NUP153: variants seen among roughly 807,000 people sequenced by gnomAD.
NUP153 encodes the protein nuclear pore complex protein Nup153.
Under a neutral mutation model 134.6 loss-of-function variants are expected in NUP153, and 27 were observed. The observed-to-expected ratio is 0.20, with a 90% CI of 0.15 to 0.28. The LOEUF (loss-of-function observed/expected upper bound fraction) is 0.28. NUP153 is among the 10% of genes least tolerant of loss of function. The pLI, the probability that NUP153 is intolerant of heterozygous loss-of-function variation, is 1.00. For missense variants in NUP153, 1,821 were observed against 1,731.3 expected, an observed-to-expected ratio of 1.05 and a Z score of -0.92; for synonymous variants, 640 against 623.5, an observed-to-expected ratio of 1.03 and a Z score of -0.40.
At chr6:17,692,813 T>G (rs1769365380) in intron 1 of NUP153, among the ~76,000 whole-genome samples, 1 of 152,116 alleles carries the variant, frequency 6.6e-6, no homozygotes, top group South Asian at 2.1e-4. Context: ...CCCTCTGAAG[T>G]GATTCTAATA....
At chr6:17,705,014 C>T (rs1391517355) in intron 1 of NUP153, among the ~76,000 whole-genome samples, 1 of 152,184 alleles carries the variant, frequency 6.6e-6, no homozygotes, top group Non-Finnish European at 1.5e-5. Context: ...GCCTCGGCCT[C>T]CCAAAGTGCT....
In NUP153 at chr6:17,706,642, C is replaced by A. The variant is rs1770521645; in HGVS notation, c.-255G>T. The A allele has an allele frequency of 1.8e-6, 1 of 552,544 alleles. No homozygotes were observed. Among genetic ancestry groups the A allele is most frequent in the Non-Finnish European group, 3.2e-6 (1 of 312,316 alleles). 34.2% of individuals were successfully genotyped at this position (552,544 alleles called of 1,614,324 possible). ...CTCCGGTCCGGCCGCCTCTGCGGACCCCCGCCTCTGTGTGTGTCACGGTCT... is the reference window on the plus strand; with the variant it reads ...CTCCGGTCCGGCCGCCTCTGCGGACACCCGCCTCTGTGTGTGTCACGGTCT... On this transcript the variant is annotated 5_prime_UTR_variant, in exon 1 of 22. Transcript: ENST00000262077. This position sits in a 1 kb window ranked among gnomAD's most constrained non-coding sequence, Gnocchi z 5.9.
chr6:17,673,843 T>G (rs994179093), intron 5 of NUP153, among the ~76,000 whole-genome samples: 25 of 152,178 alleles, frequency 1.6e-4, no homozygotes, highest in African/African-American at 6.0e-4. Context: ...ACCCATCAAT[T>G]CAACTCCTAG....
intron 15 of NUP153, 21 bp from the exon 16 acceptor site, chr6:17,637,791 A>G (rs770547550): frequency 1.3e-6 from 2 of 1,570,842 alleles, no homozygotes; most frequent in Non-Finnish European, 1.7e-6. Flanking sequence ...CGAAGGAGAG[A>G]GTGCAACGTT....
chr6:17,637,066 A>C, intron 16 of NUP153, 87 bp downstream of exon 16: 1 of 1,301,164 alleles, frequency 7.7e-7, no homozygotes, highest in African/African-American at 1.5e-5. Flanking sequence ...GCTCATCCTG[A>C]AACATCTAAA....
intron 20 of NUP153, among the ~76,000 whole-genome samples, chr6:17,623,445 G>C (rs1169938973): frequency 1.3e-5 from 2 of 151,558 alleles, no homozygotes; most frequent in Non-Finnish European, 2.9e-5. Flanking sequence ...TACAATGGTG[G>C]TAGGATATGA....
Position 17,706,338 on chromosome 6 carries a change from C to T in NUP153, c.50G>A (p.Arg17Gln), listed in dbSNP as rs369696629. The change falls in exon 1 of 22, where the codon CGG becomes CAG. Residue 17 changes from arginine to glutamine, a missense_variant. Physicochemically the swap from Arg to Gln is conservative, Grantham distance 43. Transcript: ENST00000262077. This position sits in a 1 kb window ranked among gnomAD's most constrained non-coding sequence, Gnocchi z 5.9. ...GVGGGGGGKI[R>Q]TRRCHQGPIK... Reference sequence around the variant, plus strand: ...TGGCCCCTGGTGGCAACGCCGCGTCCGGATCTTGCCGCCACCGCCCCCTCC... The same window carrying T: ...TGGCCCCTGGTGGCAACGCCGCGTCTGGATCTTGCCGCCACCGCCCCCTCC... 123 of 1,613,380 alleles carry T rather than the reference C, an allele frequency of 7.6e-5. No individual in the cohort carries two copies. The highest frequency in any genetic ancestry group is 2.7e-4 in the East Asian group (12 of 44,856).
intron 14 of NUP153, among the ~76,000 whole-genome samples, chr6:17,643,631 G>A (rs924462517): frequency 5.9e-5 from 9 of 152,264 alleles, no homozygotes; most frequent in African/African-American, 2.2e-4. Flanking sequence ...TCAAAAAGAG[G>A]GGAAAAGGAG....
rs771458324 is a variant in NUP153 at position 17,616,663 on chromosome 6, T to C, written c.4207A>G (p.Asn1403Asp). 12 of 1,613,818 alleles carry C rather than the reference T, an allele frequency of 7.4e-6. No homozygotes were observed. The Admixed American group carries it at 2.0e-4, about 27-fold the overall frequency. ...SAFQFGSSTTNFNFTNNSPSG... is the reference protein window; with the variant it reads ...SAFQFGSSTTDFNFTNNSPSG... Reference sequence around the variant, plus strand: ...GGACTGTTGTTTGTGAAGTTGAAATTTGTAGTGCTGCTGCCAAACTGGAAA... The same window carrying C: ...GGACTGTTGTTTGTGAAGTTGAAATCTGTAGTGCTGCTGCCAAACTGGAAA... The change falls in exon 21 of 22, where the codon AAT (asparagine) becomes GAT (aspartate). Residue 1403 changes from asparagine (N) to aspartate (D), a missense_variant. Transcript: ENST00000262077.
intron 11 of NUP153, among the ~76,000 whole-genome samples, chr6:17,651,207 G>A (rs1163322254): frequency 6.6e-6 from 1 of 152,116 alleles, no homozygotes; most frequent in Non-Finnish European, 1.5e-5. Flanking sequence ...GGAGGCTGAG[G>A]TGGGAGAATG....
intron 12 of NUP153, among the ~76,000 whole-genome samples, chr6:17,648,662 G>A (rs898441389): frequency 6.6e-6 from 1 of 151,950 alleles, no homozygotes; most frequent in Non-Finnish European, 1.5e-5. Context: ...AATTAGCTGG[G>A]TGTGGTGGTG....
intron 20 of NUP153, among the ~76,000 whole-genome samples, chr6:17,620,948 T>C (rs957660888): frequency 6.6e-6 from 1 of 152,204 alleles, no homozygotes; most frequent in Non-Finnish European, 1.5e-5. Flanking sequence ...AAAAAAAGTT[T>C]GCTAACTATT....
At chr6:17,635,141 G>A (rs190395312) in intron 16 of NUP153, among the ~76,000 whole-genome samples, 3 of 118,974 alleles carry the variant, frequency 2.5e-5, no homozygotes, top group Admixed American at 2.3e-4. Context: ...ACGGAGTCTC[G>A]CTCTGTCGCC....
At chr6:17,648,807 A>C (rs1281744702) in intron 12 of NUP153, among the ~76,000 whole-genome samples, 2 of 151,998 alleles carry the variant, frequency 1.3e-5, no homozygotes, top group Non-Finnish European at 2.9e-5. Context: ...CATCTCAAAA[A>C]AAAAAAAATT....
chr6:17,695,819 C>T (rs1769603203), intron 1 of NUP153, among the ~76,000 whole-genome samples: 1 of 152,120 alleles, frequency 6.6e-6, no homozygotes, highest in South Asian at 2.1e-4. Flanking sequence ...ACCATCCTGG[C>T]TAACACGGTG....
At chr6:17,664,657 A>C (rs948797022) in intron 9 of NUP153, among the ~76,000 whole-genome samples, 9 of 152,220 alleles carry the variant, frequency 5.9e-5, no homozygotes, top group Admixed American at 5.2e-4. Context: ...ATAGTTCAAC[A>C]CCACCACATG....
chr6:17,616,509 A>C lies in NUP153; in HGVS notation c.4343+18T>G. 1 of 1,588,314 alleles carries C rather than the reference A, an allele frequency of 6.3e-7. No homozygotes were observed. Among genetic ancestry groups the C allele is most frequent in the East Asian group, 2.2e-5 (1 of 44,558 alleles). On this transcript the variant is annotated intron_variant, in intron 21 of 21. Transcript: ENST00000262077. ...CTTACCAATGTAACTTCTCCATTTCAATAAAAAATTCTCTTACCCCACTGT... is the reference window on the plus strand; with the variant it reads ...CTTACCAATGTAACTTCTCCATTTCCATAAAAAATTCTCTTACCCCACTGT...
intron 9 of NUP153, 118 bp from the exon 10 acceptor site, chr6:17,662,188 A>C (rs1767230460): frequency 1.1e-6 from 1 of 889,214 alleles, no homozygotes; most frequent in Admixed American, 2.4e-5. Flanking sequence ...TTTTTAGTTA[A>C]TGAATCCTGA....
intron 11 of NUP153, 58 bp from the exon 12 acceptor site, chr6:17,649,358 A>G: frequency 1.3e-6 from 2 of 1,504,736 alleles, no homozygotes; most frequent in Non-Finnish European, 1.8e-6. Context: ...TTTTATCTCT[A>G]CTTATTTTCA....
Sources: allele counts gnomAD v4.1 joint callset (sites outside exome capture counted in the v4.1 genomes callset), GRCh38; gene constraint gnomAD v4.1.1; non-coding constraint Gnocchi (gnomAD v3.1); transcripts MANE v1.5; gene names NCBI Gene and HGNC (gene_info 2026-07-23, HGNC 2026-07-21).